The following LINGO2 variants were observed in gnomAD, a reference collection of about 807,000 sequenced individuals.
LINGO2 encodes the protein leucine rich repeat and Ig domain containing 2.
Under a neutral mutation model 30.6 loss-of-function variants are expected in LINGO2, and 14 were observed. The observed-to-expected ratio is 0.46, with a 90% CI of 0.30 to 0.72. The LOEUF is 0.72. Among genes scored for constraint, LINGO2 ranks in the 30% least tolerant of loss-of-function variants. The probability of loss-of-function intolerance (pLI) is 0.07; values close to 1 mark genes in which losing one functional copy is unlikely to be tolerated. For synonymous variants in LINGO2, 317 were observed against 288.5 expected (o/e 1.10, Z -1.00); for missense variants, 729 against 751.7 (o/e 0.97, Z 0.35).
At chr9:29,163,748 T>G in the LINGO2 span, among the ~76,000 whole-genome samples, 2 of 152,184 alleles carry the variant, frequency 1.3e-5, no homozygotes, top group Admixed American at 1.3e-4. Context: ...CACTTTCATT[T>G]CTGAGTCAAA....
At chr9:28,655,744 A>G (rs1172477791) in intron 1 of LINGO2, among the ~76,000 whole-genome samples, 4 of 151,402 alleles carry the variant, frequency 2.6e-5, no homozygotes, top group Non-Finnish European at 5.9e-5. Context: ...CTGGGCAAAC[A>G]TTCTTCTTCT....
intron 4 of LINGO2, among the ~76,000 whole-genome samples, chr9:28,061,492 C>G (rs918935304): frequency 2.6e-5 from 4 of 151,854 alleles, no homozygotes; most frequent in Non-Finnish European, 5.9e-5. Flanking sequence ...TATCATTCAT[C>G]ACCAGATTCT....
At chr9:29,151,078 A>G in the LINGO2 span, among the ~76,000 whole-genome samples, 1 of 152,148 alleles carries the variant, frequency 6.6e-6, no homozygotes, top group Admixed American at 6.5e-5. Context: ...CAGAAACCTC[A>G]TAAGCCAGAG....
At chr9:29,111,937 A>ACATATATTTATATATGTGTGTATATATAC in the LINGO2 span, among the ~76,000 whole-genome samples, 2 of 149,258 alleles carry the variant, frequency 1.3e-5, no homozygotes, top group Non-Finnish European at 3.0e-5. Context: ...GTGTATATAT[A>ACATATATTTATATATGTGTGTATATATAC]ATGTATTTAA....
At chr9:28,312,221 G>A (rs572009649) in intron 3 of LINGO2, among the ~76,000 whole-genome samples, 100 of 140,712 alleles carry the variant, frequency 7.1e-4, no homozygotes, top group African/African-American at 2.3e-3. Flanking sequence ...TGTCCTTACC[G>A]AGAAAGAATA....
the LINGO2 span, among the ~76,000 whole-genome samples, chr9:29,187,956 TTC>T: frequency 1.6e-4 from 24 of 151,222 alleles, no homozygotes; most frequent in African/African-American, 5.8e-4. Flanking sequence ...TCCAACTATT[TTC>T]TTTTTTTTTT....
chr9:28,926,262 C>T, the LINGO2 span, among the ~76,000 whole-genome samples: 1 of 151,912 alleles, frequency 6.6e-6, no homozygotes, highest in Non-Finnish European at 1.5e-5. Context: ...TGCAGTGAGC[C>T]GAGATCGTGC....
chr9:28,444,182 C>T (rs1824316487), intron 2 of LINGO2, among the ~76,000 whole-genome samples: 1 of 152,174 alleles, frequency 6.6e-6, no homozygotes, highest in African/African-American at 2.4e-5. Flanking sequence ...TCAGGATCCA[C>T]CAAACAGTGG....
At chr9:28,940,856 T>A in the LINGO2 span, among the ~76,000 whole-genome samples, 1 of 152,130 alleles carries the variant, frequency 6.6e-6, no homozygotes. Context: ...TTACAGAGAC[T>A]AAACACATCA....
chr9:28,308,950 G>A (rs61188821), intron 3 of LINGO2, among the ~76,000 whole-genome samples: 5,667 of 152,238 alleles, frequency 0.037, 325 homozygotes, highest in African/African-American at 0.13. Flanking sequence ...TGGAAAGGAT[G>A]TGGAGAAATA....
chr9:28,831,839 G>A, the LINGO2 span, among the ~76,000 whole-genome samples: 1 of 151,942 alleles, frequency 6.6e-6, no homozygotes, highest in Non-Finnish European at 1.5e-5. Context: ...GTTTTGTTTT[G>A]TTTTCTGTAT....
chr9:29,056,043 T>C, the LINGO2 span, among the ~76,000 whole-genome samples: 2 of 151,632 alleles, frequency 1.3e-5, no homozygotes, highest in African/African-American at 2.4e-5. Context: ...GGTTCCATAG[T>C]TTTGTTACTG....
At chr9:27,975,027 A>G (rs759263644) in intron 5 of LINGO2, among the ~76,000 whole-genome samples, 3 of 152,106 alleles carry the variant, frequency 2.0e-5, no homozygotes, top group Non-Finnish European at 4.4e-5. Flanking sequence ...GTTATTAGAA[A>G]TCTAGACTTC....
intron 2 of LINGO2, among the ~76,000 whole-genome samples, chr9:28,469,252 T>A: frequency 6.7e-6 from 1 of 149,044 alleles, no homozygotes; most frequent in Admixed American, 6.7e-5. Context: ...CTAAAACTAT[T>A]AAGTCTGAAG....
chr9:28,032,679 C>T (rs1161348706), intron 4 of LINGO2, among the ~76,000 whole-genome samples: 1 of 152,188 alleles, frequency 6.6e-6, no homozygotes, highest in Non-Finnish European at 1.5e-5. Flanking sequence ...TAGTTGGCGA[C>T]AGACCAGGAA....
At chr9:28,498,483 T>C (rs1182749064) in intron 1 of LINGO2, among the ~76,000 whole-genome samples, 2 of 152,202 alleles carry the variant, frequency 1.3e-5, no homozygotes, top group African/African-American at 2.4e-5. Flanking sequence ...TCTCCTGGTG[T>C]GCCGTTTGCT....
At chr9:29,212,427 G>C in the LINGO2 span, among the ~76,000 whole-genome samples, 12 of 151,980 alleles carry the variant, frequency 7.9e-5, no homozygotes, top group South Asian at 1.9e-3. Flanking sequence ...GCAGGGAGCC[G>C]GCCAAGCGGC....
At chr9:29,045,612 G>C in the LINGO2 span, among the ~76,000 whole-genome samples, 1 of 151,346 alleles carries the variant, frequency 6.6e-6, no homozygotes, top group Non-Finnish European at 1.5e-5. Flanking sequence ...GAAAACTGGG[G>C]ATAGGCTCTT....
At chr9:29,112,254 C>T in the LINGO2 span, among the ~76,000 whole-genome samples, 1 of 152,064 alleles carries the variant, frequency 6.6e-6, no homozygotes, top group Non-Finnish European at 1.5e-5. Flanking sequence ...AAGGGTTCAT[C>T]AAAGTGTGAC....
Sources: gnomAD v4.1 joint callset for allele counts (sites outside exome capture counted in the v4.1 genomes callset) on GRCh38, gnomAD v4.1.1 for gene constraint, MANE v1.5 for transcripts, NCBI Gene and HGNC (gene_info 2026-07-23, HGNC 2026-07-21) for gene names.